Variants in ARHGAP12 observed in about 807,000 individuals in gnomAD.
ARHGAP12 encodes Rho GTPase activating protein 12.
ARHGAP12 carries 64 observed loss-of-function variants against 108.6 expected under a neutral mutation model. The observed-to-expected ratio is 0.59, with a 90% confidence interval of 0.48 to 0.73. The LOEUF (loss-of-function observed/expected upper bound fraction) is 0.73. Ranked by LOEUF, ARHGAP12 falls within the 30% of genes least tolerant of loss-of-function variation. The pLI, the probability that ARHGAP12 is intolerant of heterozygous loss-of-function variation, is 0.00. For synonymous variants in ARHGAP12, 312 were observed against 337.2 expected (o/e 0.93, Z 0.82); for missense variants, 940 against 1,005.9 (o/e 0.93, Z 0.89).
chr10:31,864,905 T>C (rs1837264929), intron 3 of ARHGAP12, among the ~76,000 whole-genome samples: 2 of 152,090 alleles, frequency 1.3e-5, no homozygotes, highest in Admixed American at 6.6e-5. Context: ...GAGCTACACA[T>C]GGGACACTGT....
chr10:31,816,211 A>G (rs1190576770), intron 13 of ARHGAP12, among the ~76,000 whole-genome samples: 1 of 74,534 alleles, frequency 1.3e-5, no homozygotes, highest in African/African-American at 4.7e-5. Flanking sequence ...GTGTGTGTGT[A>G]AAATCATCTC....
intron 3 of ARHGAP12, among the ~76,000 whole-genome samples, chr10:31,863,581 G>C (rs1378048910): frequency 6.6e-6 from 1 of 152,056 alleles, no homozygotes; most frequent in African/African-American, 2.4e-5. Flanking sequence ...TATAAGGCTA[G>C]CATAATTCTG....
At chr10:31,893,214 T>C (rs574249547) in intron 3 of ARHGAP12, among the ~76,000 whole-genome samples, 122 of 152,198 alleles carry the variant, frequency 8.0e-4, no homozygotes, top group African/African-American at 2.7e-3. Flanking sequence ...AGCAAACACA[T>C]TCAAAAGCTT....
intron 3 of ARHGAP12, among the ~76,000 whole-genome samples, chr10:31,904,627 A>AATT (rs576666929): frequency 6.6e-6 from 1 of 151,942 alleles, no homozygotes; most frequent in African/African-American, 2.4e-5. Flanking sequence ...GACCTGTCCA[A>AATT]ATTATTATTA....
chr10:31,906,343 G>A (rs914279347), intron 3 of ARHGAP12, among the ~76,000 whole-genome samples: 2 of 152,136 alleles, frequency 1.3e-5, no homozygotes, highest in Non-Finnish European at 2.9e-5. Flanking sequence ...GATACATAAT[G>A]CATTTATTAT....
chr10:31,898,851 TAAC>T (rs900283399), intron 3 of ARHGAP12, among the ~76,000 whole-genome samples: 4 of 151,540 alleles, frequency 2.6e-5, no homozygotes, highest in East Asian at 3.9e-4. Context: ...TAAAATAGTG[TAAC>T]AACAACAAAC....
chr10:31,907,456 C>G (rs1839177340), intron 3 of ARHGAP12, among the ~76,000 whole-genome samples: 1 of 131,248 alleles, frequency 7.6e-6, no homozygotes, highest in Non-Finnish European at 1.7e-5. Context: ...GAGATCCTGT[C>G]TCTAAAAAAA....
chr10:31,835,902 G>A (rs542687178), intron 9 of ARHGAP12, among the ~76,000 whole-genome samples: 1 of 152,190 alleles, frequency 6.6e-6, no homozygotes, highest in Non-Finnish European at 1.5e-5. Context: ...ATTTTGGGGT[G>A]ACGAAAAGTC....
chr10:31,885,299 T>C (rs755234756), intron 3 of ARHGAP12, among the ~76,000 whole-genome samples: 5 of 152,216 alleles, frequency 3.3e-5, no homozygotes, highest in Non-Finnish European at 5.9e-5. Context: ...TTTTTCAATG[T>C]AAAAATAAAG....
intron 13 of ARHGAP12, 101 bp downstream of exon 13, chr10:31,817,687 C>T (rs924934265): frequency 1.4e-6 from 1 of 732,870 alleles, no homozygotes; most frequent in Non-Finnish European, 2.2e-6. Context: ...TATAAAGTGC[C>T]TTTTCACATA....
chr10:31,889,060 C>T (rs996562313), intron 3 of ARHGAP12, among the ~76,000 whole-genome samples: 6 of 152,140 alleles, frequency 3.9e-5, no homozygotes, highest in Admixed American at 6.5e-5. Context: ...CAGGTGCCCA[C>T]CACCATGCCT....
At chr10:31,911,489 A>ATT (rs35757733) in intron 1 of ARHGAP12, among the ~76,000 whole-genome samples, 1 of 151,546 alleles carries the variant, frequency 6.6e-6, no homozygotes, top group South Asian at 2.1e-4. Flanking sequence ...TAATTTTTGT[A>ATT]TTTTTTTAGA....
intron 6 of ARHGAP12, among the ~76,000 whole-genome samples, chr10:31,844,527 C>T (rs1409246272): frequency 6.6e-6 from 1 of 152,040 alleles, no homozygotes; most frequent in African/African-American, 2.4e-5. Flanking sequence ...TCAGATGACA[C>T]AAACCAATGC....
intron 3 of ARHGAP12, among the ~76,000 whole-genome samples, chr10:31,904,350 A>C (rs970408309): frequency 1.3e-5 from 2 of 152,226 alleles, no homozygotes; most frequent in Admixed American, 6.5e-5. Context: ...ATGAAAGGCC[A>C]ATCCCCAAAG....
chr10:31,816,168 CGTGTGTGT>C (rs201754040), intron 13 of ARHGAP12, among the ~76,000 whole-genome samples: 1,506 of 136,420 alleles, frequency 0.011, 10 homozygotes, highest in Non-Finnish European at 0.014. Flanking sequence ...AAGAAAGAAA[CGTGTGTGT>C]GTGTGTGTGT....
intron 9 of ARHGAP12, among the ~76,000 whole-genome samples, chr10:31,833,485 T>G (rs1835907185): frequency 6.6e-6 from 1 of 152,152 alleles, no homozygotes; most frequent in Non-Finnish European, 1.5e-5. Context: ...ACGGATAGAC[T>G]GAAACTGGAA....
chr10:31,815,444 C>T (rs1835169917), intron 13 of ARHGAP12, among the ~76,000 whole-genome samples: 1 of 152,062 alleles, frequency 6.6e-6, no homozygotes, highest in East Asian at 1.9e-4. Flanking sequence ...TATGCTTATC[C>T]CTGCACAGAT....
rs74619958 is a variant in ARHGAP12 at position 31,845,667 on chromosome 10, C to A, written c.1171-2081G>T. 2.2e-3 allele frequency among the ~76,000 whole-genome samples: 328 copies of A among 151,980 alleles called. 8 individuals carry two copies. In the East Asian group the frequency reaches 0.05, roughly 23 times the overall value. ...AGGTTTGGTGGTGCATTGCTATAGGCCTAGCTACTCAAAAGGCTGAGGCAC... is the reference window on the plus strand; with the variant it reads ...AGGTTTGGTGGTGCATTGCTATAGGACTAGCTACTCAAAAGGCTGAGGCAC... On this transcript the variant is annotated intron_variant, in intron 6 of 19. Transcript: ENST00000344936.
At chr10:31,905,621 A>C (rs1839103473) in intron 3 of ARHGAP12, among the ~76,000 whole-genome samples, 1 of 151,650 alleles carries the variant, frequency 6.6e-6, no homozygotes, top group South Asian at 2.1e-4. Flanking sequence ...AGCTTTACTA[A>C]GATGAGAAAA....
Sources: gnomAD v4.1 joint callset for allele counts (sites outside exome capture counted in the v4.1 genomes callset) on GRCh38, gnomAD v4.1.1 for gene constraint, MANE v1.5 for transcripts, NCBI Gene and HGNC (gene_info 2026-07-23, HGNC 2026-07-21) for gene names.